The following SYT1 variants were observed in gnomAD, a reference collection of about 807,000 sequenced individuals.
SYT1 encodes synaptotagmin-1.
Under a neutral mutation model 44.8 loss-of-function variants are expected in SYT1, and 8 were observed. The observed-to-expected ratio is 0.18, with a 90% CI of 0.10 to 0.32. SYT1 has a LOEUF of 0.32. Ranked by LOEUF, SYT1 falls within the 10% of genes least tolerant of loss-of-function variation. SYT1 has a pLI of 1.00. For synonymous variants in SYT1, 154 were observed against 188.8 expected (o/e 0.82, Z 1.51); for missense variants, 286 against 509.3 (o/e 0.56, Z 4.22).
chr12:79,092,838 T>A (rs1169173983), intron 3 of SYT1, among the ~76,000 whole-genome samples: 1 of 151,720 alleles, frequency 6.6e-6, no homozygotes, highest in East Asian at 1.9e-4. Flanking sequence ...TGTCTGTCAA[T>A]GACAAAAACT....
chr12:79,353,152 A>G (rs1882980159), intron 8 of SYT1, among the ~76,000 whole-genome samples: 1 of 152,214 alleles, frequency 6.6e-6, no homozygotes, highest in South Asian at 2.1e-4. Context: ...TTTAATAAAA[A>G]CATGAAAATT....
At chr12:79,129,916 A>T (rs780622690) in intron 3 of SYT1, among the ~76,000 whole-genome samples, 4 of 152,170 alleles carry the variant, frequency 2.6e-5, no homozygotes, top group Non-Finnish European at 4.4e-5. Flanking sequence ...ATTTACAGAG[A>T]TGTATTATTT....
At chr12:79,027,998 A>G (rs1872631774) in intron 2 of SYT1, among the ~76,000 whole-genome samples, 1 of 151,514 alleles carries the variant, frequency 6.6e-6, no homozygotes, top group African/African-American at 2.4e-5. Flanking sequence ...ATGGACTGAT[A>G]AAGATCTCCA....
chr12:79,107,070 A>ATAATTT (rs1878759588), intron 3 of SYT1, among the ~76,000 whole-genome samples: 1 of 152,040 alleles, frequency 6.6e-6, no homozygotes. Flanking sequence ...GAAATAATAA[A>ATAATTT]ACTTATGTAA....
intron 2 of SYT1, among the ~76,000 whole-genome samples, chr12:78,998,749 T>A (rs1022524457): frequency 6.6e-6 from 1 of 152,144 alleles, no homozygotes; most frequent in Non-Finnish European, 1.5e-5. Flanking sequence ...AAACTTGGAG[T>A]AATAATATGA....
intron 1 of SYT1, among the ~76,000 whole-genome samples, chr12:78,936,606 A>T (rs373681845): frequency 2.6e-5 from 4 of 152,146 alleles, no homozygotes; most frequent in Admixed American, 6.6e-5. Flanking sequence ...TTCACTAATT[A>T]AAAAATGCAT....
chr12:78,965,742 T>C (rs1014800393), intron 1 of SYT1, among the ~76,000 whole-genome samples: 1 of 152,046 alleles, frequency 6.6e-6, no homozygotes, highest in Non-Finnish European at 1.5e-5. Context: ...TACTCTCTCA[T>C]CAAAGATCTC....
chr12:79,035,949 CAAAAA>C (rs5799409), intron 2 of SYT1, among the ~76,000 whole-genome samples: 5 of 128,348 alleles, frequency 3.9e-5, no homozygotes, highest in African/African-American at 1.4e-4. Flanking sequence ...AACAAACAAA[CAAAAA>C]AAAAAAAAAC....
chr12:79,276,468 G>A (rs1218032226), intron 4 of SYT1, among the ~76,000 whole-genome samples: 1 of 151,990 alleles, frequency 6.6e-6, no homozygotes, highest in African/African-American at 2.4e-5. Flanking sequence ...ATGAGGTCAA[G>A]AGATCGAGAC....
intron 9 of SYT1, among the ~76,000 whole-genome samples, chr12:79,383,147 G>A (rs1036918245): frequency 1.3e-5 from 2 of 152,322 alleles, no homozygotes; most frequent in Non-Finnish European, 1.5e-5. Flanking sequence ...CATCATTGTT[G>A]TGTGAACTTC....
At chr12:79,303,412 T>G (rs1332114621) in intron 8 of SYT1, among the ~76,000 whole-genome samples, 1 of 152,178 alleles carries the variant, frequency 6.6e-6, no homozygotes, top group East Asian at 1.9e-4. Flanking sequence ...AAGCCTTTTT[T>G]TTTAACATTC....
At chr12:78,886,060 A>G (rs1348780221) in intron 1 of SYT1, among the ~76,000 whole-genome samples, 5 of 151,990 alleles carry the variant, frequency 3.3e-5, no homozygotes, top group Non-Finnish European at 7.4e-5. Flanking sequence ...AGGGCTTATC[A>G]TAACACTAAT....
At chr12:78,946,432 A>G (rs1592592783) in intron 1 of SYT1, among the ~76,000 whole-genome samples, 1 of 152,162 alleles carries the variant, frequency 6.6e-6, no homozygotes, top group African/African-American at 2.4e-5. Context: ...AGGCGGGTGG[A>G]TCACTTGAGG....
chr12:79,334,381 T>C (rs566500606), intron 8 of SYT1, among the ~76,000 whole-genome samples: 13 of 152,110 alleles, frequency 8.5e-5, no homozygotes, highest in Non-Finnish European at 1.6e-4. Context: ...TACGGCACAA[T>C]ATTGCAAGTG....
chr12:79,019,161 G>A (rs188372719), intron 2 of SYT1, among the ~76,000 whole-genome samples: 24 of 152,020 alleles, frequency 1.6e-4, no homozygotes, highest in Admixed American at 1.4e-3. Context: ...CAGATTTGCT[G>A]GCTATGGTCT....
At chr12:78,986,776 A>G (rs1029961519) in intron 2 of SYT1, among the ~76,000 whole-genome samples, 10 of 152,016 alleles carry the variant, frequency 6.6e-5, no homozygotes, top group African/African-American at 2.4e-4. Flanking sequence ...ATGTCTCTCT[A>G]TAATAGAATT....
chr12:79,163,488 G>A (rs1243863907), intron 3 of SYT1, among the ~76,000 whole-genome samples: 1 of 152,052 alleles, frequency 6.6e-6, no homozygotes, highest in East Asian at 1.9e-4. Context: ...TGCACTTTAT[G>A]TAAGTCGTCT....
chr12:79,002,416 C>A (rs1302749608), intron 2 of SYT1, among the ~76,000 whole-genome samples: 1 of 151,984 alleles, frequency 6.6e-6, no homozygotes, highest in Non-Finnish European at 1.5e-5. Context: ...GTGATTTCAA[C>A]ATGAAATATT....
At chr12:79,093,846 A>G (rs1347447111) in intron 3 of SYT1, among the ~76,000 whole-genome samples, 2 of 151,754 alleles carry the variant, frequency 1.3e-5, no homozygotes, top group Admixed American at 1.3e-4. Context: ...ATTAATTAGA[A>G]TTTCAATTCT....
Sources: gnomAD v4.1 joint callset for allele counts (sites outside exome capture counted in the v4.1 genomes callset) on GRCh38, gnomAD v4.1.1 for gene constraint, MANE v1.5 for transcripts, NCBI Gene and HGNC (gene_info 2026-07-23, HGNC 2026-07-21) for gene names.